PCDHGB1: variants seen among roughly 807,000 people sequenced by gnomAD.
PCDHGB1 encodes the protein protocadherin gamma subfamily B, 1.
PCDHGB1 carries 34 observed loss-of-function variants against 56.6 expected under a neutral mutation model. That is an observed-to-expected ratio of 0.60 (90% CI 0.46 to 0.80). PCDHGB1 has a LOEUF of 0.80. Ranked by LOEUF, PCDHGB1 falls within the 30% of genes least tolerant of loss-of-function variation. The pLI is 0.00. For synonymous variants in PCDHGB1, 561 were observed against 505.9 expected (o/e 1.11, Z -1.46); for missense variants, 1,278 against 1,204.6 (o/e 1.06, Z -0.90).
In PCDHGB1 at chr5:141,510,915, A is replaced by G; in HGVS notation, c.2558-32A>G. 8 of 1,613,786 alleles carry G rather than the reference A, an allele frequency of 5.0e-6. No individual in the cohort carries two copies. The South Asian group carries it at 8.8e-5, about 18-fold the overall frequency. ...AGTGACTGTTGAGGACCCTAAGTTT[A>G]GCTCCCACCTGATCTTCCTCTGTCT... On this transcript the variant is annotated intron_variant, in intron 3 of 3. Coordinates refer to ENST00000523390, the MANE Select transcript of PCDHGB1 (RefSeq NM_018922.3).
Position 141,431,962 on chromosome 5 carries a change from C to G in PCDHGB1, c.2410-62845C>G. 1.2e-6 allele frequency: 2 copies of G among 1,614,190 alleles called. No homozygotes were observed. Among genetic ancestry groups the G allele is most frequent in the South Asian group, 2.2e-5 (2 of 91,086 alleles). ...AATTAGAAAAATCTTACGGAAATTACTATAGTTTAGTCACAGACATAGTCT... is the reference window on the plus strand; with the variant it reads ...AATTAGAAAAATCTTACGGAAATTAGTATAGTTTAGTCACAGACATAGTCT... On this transcript the variant is annotated intron_variant, in intron 1 of 3. Transcript: ENST00000523390. The surrounding 1 kb of genome is among the most constrained non-coding windows in gnomAD (Gnocchi z 4.8).
intron 1 of PCDHGB1, among the ~76,000 whole-genome samples, chr5:141,471,978 A>C (rs1246474598): frequency 1.3e-5 from 2 of 152,184 alleles, no homozygotes; most frequent in African/African-American, 4.8e-5. Flanking sequence ...TTACTGTATA[A>C]ATTTATTAAA....
rs530356030 is a variant in PCDHGB1 at position 141,426,463 on chromosome 5, GATTT to G, written c.2410-68340_2410-68337del. 309 of 318,428 alleles carry G rather than the reference GATTT, an allele frequency of 9.7e-4. 2 individuals are homozygous for G. Among genetic ancestry groups the G allele is most frequent in the Non-Finnish European group, 1.6e-3 (252 of 160,518 alleles). 19.7% of individuals were successfully genotyped at this position (318,428 alleles called of 1,614,324 possible). A position where few individuals can be genotyped will look rare whatever the true frequency, so the allele number is the denominator to read the frequency against. ...GGAGGACATGCGGCTGCATGTTCAGGATTTATTGACCTGAAACCTTAGAGTTAGT... is the reference window on the plus strand; with the variant it reads ...GGAGGACATGCGGCTGCATGTTCAGGATTGACCTGAAACCTTAGAGTTAGT... On this transcript the variant is annotated intron_variant, in intron 1 of 3. Transcript: ENST00000523390.
Position 141,483,648 on chromosome 5 carries a change from T to TTGTG in PCDHGB1, c.2410-11141_2410-11138dup, listed in dbSNP as rs111458813. ...GGAGAAGGTATAGAGGGGTGTGTGTTTGTGTGTGTGTGTGTGTGTGTAAAA... is the reference window on the plus strand; with the variant it reads ...GGAGAAGGTATAGAGGGGTGTGTGTTTGTGTGTGTGTGTGTGTGTGTGTGTAAAA... On this transcript the variant is annotated intron_variant, in intron 1 of 3. Coordinates refer to ENST00000523390, the MANE Select transcript of PCDHGB1 (RefSeq NM_018922.3). Among the ~76,000 whole-genome samples, 501 of 149,686 alleles carry TTGTG rather than the reference T, an allele frequency of 3.3e-3. 2 individuals are homozygous for TTGTG. Among genetic ancestry groups the TTGTG allele is most frequent in the African/African-American group, 7.3e-3 (297 of 40,842 alleles).
chr5:141,407,868 A>AAT (rs1474357780), intron 1 of PCDHGB1, among the ~76,000 whole-genome samples: 1 of 152,242 alleles, frequency 6.6e-6, no homozygotes, highest in Admixed American at 6.5e-5. Context: ...ATTTTCGAAG[A>AAT]ATATATACAT....
chr5:141,499,721 G>GTC (rs1434016871), intron 2 of PCDHGB1, among the ~76,000 whole-genome samples: 69 of 135,416 alleles, frequency 5.1e-4, no homozygotes, highest in African/African-American at 1.9e-3. Flanking sequence ...TGGAGACAGA[G>GTC]TCTCACTCTC....
chr5:141,369,695 A>C (rs1418423845), intron 1 of PCDHGB1, among the ~76,000 whole-genome samples: 3 of 152,228 alleles, frequency 2.0e-5, no homozygotes, highest in African/African-American at 4.8e-5. Flanking sequence ...ATAAAACTAA[A>C]AGCTATGACA....
intron 1 of PCDHGB1, chr5:141,382,981 G>A (rs781148657): frequency 6.2e-7 from 1 of 1,612,324 alleles, no homozygotes; most frequent in Non-Finnish European, 8.5e-7. Flanking sequence ...GGAAGCCTGG[G>A]CAGGACGTAT....
chr5:141,355,089 C>G (rs1381580612), intron 1 of PCDHGB1: 1 of 1,474,082 alleles, frequency 6.8e-7, no homozygotes, highest in East Asian at 2.3e-5. Context: ...AGCGGAAGCC[C>G]TGAGAGCTCT....
chr5:141,490,561 A>G lies in PCDHGB1; in HGVS notation c.2410-4246A>G. On this transcript the variant is annotated intron_variant, in intron 1 of 3. Coordinates refer to ENST00000523390, the MANE Select transcript of PCDHGB1 (RefSeq NM_018922.3). This position sits in a 1 kb window ranked among gnomAD's most constrained non-coding sequence, Gnocchi z 5.4. Reference sequence around the variant, plus strand: ...TTCCCTACACAAACATCTCACCATCAGGCTCAACATTTCAGATGTCAATGA... The same window carrying G: ...TTCCCTACACAAACATCTCACCATCGGGCTCAACATTTCAGATGTCAATGA... 6.2e-7 allele frequency: 1 copy of G among 1,614,090 alleles called. No individual in the cohort carries two copies. The highest frequency in any genetic ancestry group is 8.5e-7 in the Non-Finnish European group (1 of 1,180,004).
rs142172414 is a variant in PCDHGB1, at chr5:141,477,145, G to A, written c.2410-17662G>A. On this transcript the variant is annotated intron_variant, in intron 1 of 3. Coordinates refer to ENST00000523390, the MANE Select transcript of PCDHGB1 (RefSeq NM_018922.3). The surrounding 1 kb of genome is among the most constrained non-coding windows in gnomAD (Gnocchi z 4.9). ...ATTGCAAAGTGTTGGTGGAGGTTGT[G>A]GATGTGAATGACAACGCCCCGGAGA... The A allele has an allele frequency of 3.7e-6, 6 of 1,614,054 alleles. No homozygotes were observed. The African/African-American group carries it at 8.0e-5, about 22-fold the overall frequency.
At position 141,476,097 on chromosome 5, in the gene PCDHGB1, A is replaced by G. The variant is rs1366023758; in HGVS notation, c.2410-18710A>G. 1 of 1,571,812 alleles carries G rather than the reference A, an allele frequency of 6.4e-7. No individual in the cohort carries two copies. Among genetic ancestry groups the G allele is most frequent in the African/African-American group, 1.4e-5 (1 of 73,826 alleles). ...CAGGGACGATCTGGACCCCGCTGAG[A>G]GGAACTGCTTTTGAGTGAGATGGTC... On this transcript the variant is annotated intron_variant, in intron 1 of 3. Coordinates refer to ENST00000523390, the MANE Select transcript of PCDHGB1 (RefSeq NM_018922.3). The surrounding 1 kb of genome is among the most constrained non-coding windows in gnomAD (Gnocchi z 7.6).
intron 1 of PCDHGB1, chr5:141,441,551 T>C (rs2098254450): frequency 5.4e-6 from 1 of 184,050 alleles, no homozygotes; most frequent in African/African-American, 2.4e-5. Flanking sequence ...GCCTCCATAG[T>C]GTGCAAGTAG....
At chr5:141,394,610 C>T in intron 1 of PCDHGB1, 1 of 1,613,488 alleles carries the variant, frequency 6.2e-7, no homozygotes, top group African/African-American at 1.3e-5. Flanking sequence ...GAGACTCGGG[C>T]CAGAACGCCT....
rs1309165721 is a variant in PCDHGB1 at position 141,430,655 on chromosome 5, G to A, written c.2410-64152G>A. On this transcript the variant is annotated intron_variant, in intron 1 of 3. Coordinates refer to ENST00000523390, the MANE Select transcript of PCDHGB1 (RefSeq NM_018922.3). Reference sequence around the variant, plus strand: ...ATCCCTGGGAGTATGTGGAAACAACGGAGGAGCTCTGACTTCCCAACTGTC... The same window carrying A: ...ATCCCTGGGAGTATGTGGAAACAACAGAGGAGCTCTGACTTCCCAACTGTC... 4.6e-6 allele frequency: 5 copies of A among 1,084,938 alleles called. No individual in the cohort carries two copies. In the East Asian group the frequency reaches 7.8e-5, roughly 17 times the overall value. 67.2% of individuals were successfully genotyped at this position (1,084,938 alleles called of 1,614,324 possible).
intron 1 of PCDHGB1, chr5:141,373,900 C>G (rs1392088085): frequency 1.8e-6 from 1 of 550,068 alleles, no homozygotes; most frequent in Non-Finnish European, 3.0e-6. Context: ...CAAGTTACAT[C>G]CTCCAACAAC....
chr5:141,394,136 C>G, intron 1 of PCDHGB1: 1 of 1,613,956 alleles, frequency 6.2e-7, no homozygotes, highest in Non-Finnish European at 8.5e-7. Flanking sequence ...TCGCTCTGCA[C>G]GTGGCAGACA....
rs778054090 is a variant in PCDHGB1 at position 141,505,509 on chromosome 5, G to C, written c.2557+28G>C. On this transcript the variant is annotated intron_variant, in intron 3 of 3. Coordinates refer to ENST00000523390, the MANE Select transcript of PCDHGB1 (RefSeq NM_018922.3). ...AAGTGGTGTCAGTGTGTGTATGGAA[G>C]AGTGGGAGACCTGGGGTTCTGGGGT... The C allele has an allele frequency of 3.7e-6, 6 of 1,614,058 alleles. No homozygotes were observed. The East Asian group carries it at 1.1e-4, about 30-fold the overall frequency.
At chr5:141,374,111 C>G (rs1169979924) in intron 1 of PCDHGB1, 3 of 1,576,926 alleles carry the variant, frequency 1.9e-6, no homozygotes, top group African/African-American at 1.4e-5. Context: ...GCATCCGCAG[C>G]GCAGCGAGCA....
Sources: gnomAD v4.1 joint callset for allele counts (sites outside exome capture counted in the v4.1 genomes callset) on GRCh38, gnomAD v4.1.1 for gene constraint, Gnocchi (gnomAD v3.1) non-coding constraint, MANE v1.5 for transcripts, NCBI Gene and HGNC (gene_info 2026-07-23, HGNC 2026-07-21) for gene names.